The following PGBD2 variants were observed in gnomAD, a reference collection of about 807,000 sequenced individuals.
The protein encoded by PGBD2 is piggyBac transposable element-derived protein 2.
Under a neutral mutation model 8.1 loss-of-function variants are expected in PGBD2, and 6 were observed. The ratio of observed to expected loss-of-function variants is 0.74; its 90% CI spans 0.40 to 1.46. PGBD2 has a LOEUF of 1.46. Ranked by LOEUF, PGBD2 falls within the 40% of genes most tolerant of loss-of-function variation. The probability of loss-of-function intolerance (pLI) is 0.02; values close to 1 mark genes in which losing one functional copy is unlikely to be tolerated. For synonymous variants in PGBD2, 318 were observed against 272.2 expected (o/e 1.17, Z -1.66); for missense variants, 802 against 739.0 (o/e 1.09, Z -0.99).
intron 1 of PGBD2, among the ~76,000 whole-genome samples, chr1:248,906,862 A>C (rs1661660739): frequency 6.6e-6 from 1 of 151,894 alleles, no homozygotes; most frequent in Admixed American, 6.6e-5. Context: ...TAGTGAGGTG[A>C]AGAGAAGGGA....
At chr1:248,888,806 A>G in the PGBD2 span, among the ~76,000 whole-genome samples, 1 of 152,154 alleles carries the variant, frequency 6.6e-6, no homozygotes, top group African/African-American at 2.4e-5. Context: ...GTCATAAATT[A>G]TTTGCCAAGG....
chr1:248,907,200 C>G (rs1370399259), intron 1 of PGBD2, among the ~76,000 whole-genome samples: 3 of 152,186 alleles, frequency 2.0e-5, no homozygotes, highest in African/African-American at 7.2e-5. Flanking sequence ...GTCATAAGTT[C>G]AAGTGGAGGT....
chr1:248,911,539 C>A (rs1481215465), intron 1 of PGBD2, among the ~76,000 whole-genome samples: 2 of 145,980 alleles, frequency 1.4e-5, no homozygotes, highest in African/African-American at 5.6e-5. Flanking sequence ...ACACGGCAAC[C>A]ATCCGATTTC....
the PGBD2 span, among the ~76,000 whole-genome samples, chr1:248,929,160 C>A: frequency 2.6e-5 from 4 of 152,222 alleles, no homozygotes; most frequent in East Asian, 7.7e-4. Context: ...GTGCCTCTGG[C>A]TTATTGCCCA....
chr1:248,874,957 G>GACAA, the PGBD2 span, among the ~76,000 whole-genome samples: 6 of 144,170 alleles, frequency 4.2e-5, no homozygotes, highest in Admixed American at 6.9e-5. Flanking sequence ...TAGATAGATA[G>GACAA]ACAAATAGAT....
chr1:248,913,751 A>G (rs1205564372), intron 1 of PGBD2, 65 bp from the exon 2 acceptor site: 2 of 838,766 alleles, frequency 2.4e-6, no homozygotes, highest in Non-Finnish European at 4.1e-6. Context: ...AATGGTAGAA[A>G]AGATCCTGTT....
downstream of PGBD2, among the ~76,000 whole-genome samples, chr1:248,922,160 C>T (rs574341821): frequency 5.3e-5 from 8 of 151,598 alleles, no homozygotes; most frequent in South Asian, 2.1e-4. Flanking sequence ...CCCGGGTTCA[C>T]GCCATTCTCC....
At chr1:248,914,103 CGATAGAAA>C in intron 2 of PGBD2, among the ~76,000 whole-genome samples, 1 of 152,250 alleles carries the variant, frequency 6.6e-6, no homozygotes, top group East Asian at 1.9e-4. Flanking sequence ...TGTTTACACT[CGATAGAAA>C]ACCATGACTT....
chr1:248,879,158 C>T, the PGBD2 span, among the ~76,000 whole-genome samples: 2 of 152,222 alleles, frequency 1.3e-5, no homozygotes, highest in African/African-American at 2.4e-5. Flanking sequence ...AAGCTGCTCA[C>T]AGCGCCTGTT....
the PGBD2 span, among the ~76,000 whole-genome samples, chr1:248,874,903 GAGATAGATAGATAGAT>G: frequency 5.4e-3 from 779 of 145,412 alleles, 8 homozygotes; most frequent in Middle Eastern, 0.017. Flanking sequence ...TAGGTAGATA[GAGATAGATAGATAGAT>G]AGATAGATAG....
chr1:248,885,795 T>C, the PGBD2 span, among the ~76,000 whole-genome samples: 3 of 152,242 alleles, frequency 2.0e-5, no homozygotes, highest in African/African-American at 7.2e-5. Context: ...ATCTGTAATA[T>C]CTGATGTATC....
At chr1:248,922,820 G>A (rs112985251), downstream of PGBD2, among the ~76,000 whole-genome samples, 75 of 152,320 alleles carry the variant, frequency 4.9e-4, no homozygotes, top group African/African-American at 1.7e-3. Context: ...CTTGATCGTG[G>A]TGGATAAACT....
chr1:248,873,297 C>T, the PGBD2 span, among the ~76,000 whole-genome samples: 1 of 152,230 alleles, frequency 6.6e-6, no homozygotes, highest in Non-Finnish European at 1.5e-5. Context: ...AGGCGAGGCC[C>T]GCATCAGGCC....
chr1:248,891,573 T>C, the PGBD2 span, among the ~76,000 whole-genome samples: 1 of 152,254 alleles, frequency 6.6e-6, no homozygotes, highest in Non-Finnish European at 1.5e-5. Flanking sequence ...TGCACACCTG[T>C]CATCCCAGCC....
the PGBD2 span, among the ~76,000 whole-genome samples, chr1:248,885,141 A>G: frequency 1.3e-5 from 2 of 151,742 alleles, no homozygotes; most frequent in African/African-American, 2.4e-5. Flanking sequence ...TTATTTTATT[A>G]TCATTTTTTT....
Position 248,916,695 on chromosome 1 carries a change from C to G in PGBD2, c.111C>G (p.Asn37Lys). The G allele has an allele frequency of 6.2e-7, 1 of 1,614,144 alleles. No homozygotes were observed. The highest frequency in any genetic ancestry group is 1.1e-5 in the South Asian group (1 of 91,090). Reference protein sequence around the residue: ...LNAMEEEESNNNREEIFIAPP... With the variant: ...LNAMEEEESNKNREEIFIAPP... ...CTATGGAGGAGGAAGAGTCCAACAA[C>G]AACAGGGAAGAGATTTTCATTGCAC... The change falls in exon 3 of 3, where the codon AAC (asparagine) becomes AAG (lysine). Residue 37 changes from asparagine (N) to lysine (K), a missense_variant. Physicochemically the swap from Asn to Lys is moderately conservative, Grantham distance 94. Transcript: ENST00000329291.
the PGBD2 span, among the ~76,000 whole-genome samples, chr1:248,894,709 T>TCTTG: frequency 3.9e-4 from 58 of 148,206 alleles, no homozygotes; most frequent in South Asian, 1.8e-3. Flanking sequence ...CTCCTTTCTT[T>TCTTG]CTTGCTTGCT....
At chr1:248,884,594 C>T in the PGBD2 span, among the ~76,000 whole-genome samples, 1 of 151,992 alleles carries the variant, frequency 6.6e-6, no homozygotes, top group Non-Finnish European at 1.5e-5. Context: ...ATCCGCCCAC[C>T]TCATTATAGT....
At chr1:248,877,269 A>G in the PGBD2 span, among the ~76,000 whole-genome samples, 4 of 152,132 alleles carry the variant, frequency 2.6e-5, no homozygotes, top group Non-Finnish European at 4.4e-5. Flanking sequence ...ACGCCATCAT[A>G]GAGTGAAGTT....
Sources: gnomAD v4.1 joint callset for allele counts (sites outside exome capture counted in the v4.1 genomes callset) on GRCh38, gnomAD v4.1.1 for gene constraint, MANE v1.5 for transcripts, NCBI Gene and HGNC (gene_info 2026-07-23, HGNC 2026-07-21) for gene names.